THSD7A: variants seen among roughly 807,000 people sequenced by gnomAD.
THSD7A encodes the protein thrombospondin type-1 domain-containing protein 7A.
Under a neutral mutation model 231.3 loss-of-function variants are expected in THSD7A, and 96 were observed. The observed-to-expected ratio is 0.41, with a 90% CI of 0.35 to 0.49. The LOEUF is 0.49. THSD7A is among the 20% of genes least tolerant of loss of function. The pLI, the probability that THSD7A is intolerant of heterozygous loss-of-function variation, is 0.05. For missense variants in THSD7A, 2,290 were observed against 2,070.2 expected, an observed-to-expected ratio of 1.11 and a Z score of -2.06; for synonymous variants, 940 against 743.3, an observed-to-expected ratio of 1.26 and a Z score of -4.30.
intron 2 of THSD7A, among the ~76,000 whole-genome samples, chr7:11,617,146 T>C (rs1781134208): frequency 6.6e-6 from 1 of 152,194 alleles, no homozygotes; most frequent in African/African-American, 2.4e-5. Flanking sequence ...GGTTGGTCCA[T>C]AGTACTTTGG....
intron 1 of THSD7A, among the ~76,000 whole-genome samples, chr7:11,749,593 T>G (rs1170551602): frequency 6.6e-6 from 1 of 152,030 alleles, no homozygotes; most frequent in Non-Finnish European, 1.5e-5. Flanking sequence ...TGTTTATAAT[T>G]ACTGTGACCA....
At chr7:11,436,270 T>G (rs1041904659) in intron 13 of THSD7A, among the ~76,000 whole-genome samples, 4 of 152,064 alleles carry the variant, frequency 2.6e-5, no homozygotes, top group Non-Finnish European at 5.9e-5. Flanking sequence ...CTTATTAAAA[T>G]GATTTATTTT....
chr7:11,763,878 T>A (rs1005595585), intron 1 of THSD7A, among the ~76,000 whole-genome samples: 1 of 152,184 alleles, frequency 6.6e-6, no homozygotes, highest in African/African-American at 2.4e-5. Flanking sequence ...AGCTATAATC[T>A]AAAATTCCTC....
chr7:11,585,048 G>T (rs1005029202), intron 4 of THSD7A, among the ~76,000 whole-genome samples: 1 of 152,116 alleles, frequency 6.6e-6, no homozygotes. Context: ...CAAGTCAAAG[G>T]TACAAAGCAC....
intron 1 of THSD7A, among the ~76,000 whole-genome samples, chr7:11,723,040 C>T (rs36201045): frequency 0.14 from 20,974 of 151,790 alleles, 1,893 homozygotes; most frequent in South Asian, 0.21. Context: ...ATGTTTATTG[C>T]GGCACTATTC....
intron 1 of THSD7A, among the ~76,000 whole-genome samples, chr7:11,745,426 T>A (rs1382448439): frequency 6.6e-6 from 1 of 152,180 alleles, no homozygotes; most frequent in East Asian, 1.9e-4. Context: ...TTTCTTTTGC[T>A]GTGCAGAAGC....
At chr7:11,464,670 A>T (rs1165643511) in intron 9 of THSD7A, among the ~76,000 whole-genome samples, 2 of 152,112 alleles carry the variant, frequency 1.3e-5, no homozygotes, top group Non-Finnish European at 2.9e-5. Context: ...CCAGAGTGGC[A>T]ATCCATTTAT....
At chr7:11,512,390 A>T (rs1031510611) in intron 6 of THSD7A, among the ~76,000 whole-genome samples, 20 of 152,164 alleles carry the variant, frequency 1.3e-4, no homozygotes, top group African/African-American at 4.6e-4. Context: ...TTCCTCAAGG[A>T]TCTAGAACTA....
intron 23 of THSD7A, among the ~76,000 whole-genome samples, chr7:11,382,967 ATTAT>A (rs1405008425): frequency 2.6e-5 from 4 of 151,276 alleles, no homozygotes; most frequent in Non-Finnish European, 5.9e-5. Flanking sequence ...TTTAACAAAT[ATTAT>A]TTATCCATAT....
intron 1 of THSD7A, among the ~76,000 whole-genome samples, chr7:11,756,560 A>AAAATCACGGGGACAGAAAGC: frequency 6.6e-6 from 1 of 152,214 alleles, no homozygotes; most frequent in Non-Finnish European, 1.5e-5. Flanking sequence ...AGGCTTTAGT[A>AAAATCACGGGGACAGAAAGC]AAATCACGGG....
chr7:11,710,637 T>C (rs1780923182), intron 1 of THSD7A, among the ~76,000 whole-genome samples: 1 of 150,862 alleles, frequency 6.6e-6, no homozygotes, highest in African/African-American at 2.4e-5. Context: ...CATGCTGACC[T>C]ACTTCTCGGG....
intron 1 of THSD7A, among the ~76,000 whole-genome samples, chr7:11,700,394 G>A (rs1218569942): frequency 1.3e-5 from 2 of 151,112 alleles, no homozygotes; most frequent in East Asian, 2.0e-4. Context: ...TGACATTTAC[G>A]TAATTCTATT....
intron 1 of THSD7A, among the ~76,000 whole-genome samples, chr7:11,805,911 A>G (rs1270145087): frequency 6.6e-6 from 1 of 152,124 alleles, no homozygotes; most frequent in East Asian, 1.9e-4. Flanking sequence ...ACTTGTTTTG[A>G]GAAAAGGATA....
intron 11 of THSD7A, among the ~76,000 whole-genome samples, chr7:11,448,675 G>A (rs1785051152): frequency 6.6e-6 from 1 of 152,138 alleles, no homozygotes; most frequent in African/African-American, 2.4e-5. Context: ...TTGTAATAGA[G>A]TGTGTAAATG....
chr7:11,482,027 G>A (rs755834715), intron 6 of THSD7A, 45 bp from the exon 7 acceptor site: 1 of 1,526,536 alleles, frequency 6.6e-7, no homozygotes, highest in Admixed American at 2.0e-5. Context: ...TTAAATTAAT[G>A]TAAAATGAGC....
intron 22 of THSD7A, among the ~76,000 whole-genome samples, chr7:11,404,686 G>C (rs1247485560): frequency 6.6e-6 from 1 of 152,124 alleles, no homozygotes; most frequent in East Asian, 1.9e-4. Context: ...CTCAGCAAAA[G>C]GTTGTTGGCA....
chr7:11,379,473 T>C, intron 25 of THSD7A, 157 bp downstream of exon 25: 1 of 871,890 alleles, frequency 1.1e-6, no homozygotes, highest in Non-Finnish European at 1.8e-6. Flanking sequence ...TGAAAGCAAG[T>C]GAAGTCAGGA....
intron 1 of THSD7A, chr7:11,821,161 A>T (rs1247345282): frequency 3.5e-6 from 4 of 1,129,060 alleles, no homozygotes; most frequent in Admixed American, 1.8e-5. Context: ...GTGTTTATGT[A>T]ATGTCATTCC....
chr7:11,534,021 A>T (rs921035470), intron 6 of THSD7A, among the ~76,000 whole-genome samples: 1 of 152,170 alleles, frequency 6.6e-6, no homozygotes, highest in African/African-American at 2.4e-5. Context: ...TTAGTGGAAG[A>T]TACCTTGTTC....
Sources: gnomAD v4.1 joint callset for allele counts (sites outside exome capture counted in the v4.1 genomes callset) on GRCh38, gnomAD v4.1.1 for gene constraint, MANE v1.5 for transcripts, NCBI Gene and HGNC (gene_info 2026-07-23, HGNC 2026-07-21) for gene names.